Variants in IGF2R observed in about 807,000 individuals in gnomAD.
IGF2R encodes the protein cation-independent mannose-6-phosphate receptor.
Under a neutral mutation model 270.6 loss-of-function variants are expected in IGF2R, and 91 were observed. The ratio of observed to expected loss-of-function variants is 0.34; its 90% CI spans 0.28 to 0.40. The LOEUF is 0.40. IGF2R is among the 10% of genes least tolerant of loss of function. IGF2R has a pLI of 1.00. For synonymous variants in IGF2R, 1,316 were observed against 1,258.9 expected (o/e 1.05, Z -0.96); for missense variants, 2,805 against 3,188.3 (o/e 0.88, Z 2.90).
At chr6:160,073,544 C>G in intron 34 of IGF2R, 75 bp downstream of exon 34, 1 of 1,535,158 alleles carries the variant, frequency 6.5e-7, no homozygotes, top group Non-Finnish European at 8.9e-7. Context: ...GTCAGGTTCA[C>G]TTGCCCACTA....
chr6:160,064,560 G>A (rs758988031), intron 28 of IGF2R, 29 bp downstream of exon 28: 35 of 1,611,470 alleles, frequency 2.2e-5, no homozygotes, highest in Non-Finnish European at 2.7e-5. Context: ...CCCTCAGCGG[G>A]GTCTTCTCCC....
At chr6:160,093,152 G>A (rs574939095) in intron 44 of IGF2R, 86 of 159,254 alleles carry the variant, frequency 5.4e-4, no homozygotes, top group Non-Finnish European at 8.6e-4. Context: ...CAGATGTGTT[G>A]TGTTCCCAGC....
intron 11 of IGF2R, among the ~76,000 whole-genome samples, chr6:160,041,175 C>T (rs1216886780): frequency 6.6e-6 from 1 of 152,134 alleles, no homozygotes; most frequent in Non-Finnish European, 1.5e-5. Flanking sequence ...AACCCCTGTC[C>T]TTGGGGGCCT....
intron 15 of IGF2R, 94 bp from the exon 16 acceptor site, chr6:160,047,065 C>T: frequency 4.2e-6 from 5 of 1,189,646 alleles, no homozygotes; most frequent in Non-Finnish European, 6.2e-6. Flanking sequence ...CTGGTGACTC[C>T]TCACGTCGCT....
intron 1 of IGF2R, among the ~76,000 whole-genome samples, chr6:159,977,200 C>T (rs1371216376): frequency 6.6e-6 from 1 of 152,176 alleles, no homozygotes; most frequent in Non-Finnish European, 1.5e-5. Context: ...TCTGATTGCT[C>T]TATTAATTAT....
intron 1 of IGF2R, among the ~76,000 whole-genome samples, chr6:159,976,821 A>T (rs1224436897): frequency 6.6e-6 from 1 of 152,172 alleles, no homozygotes; most frequent in Non-Finnish European, 1.5e-5. Context: ...GGTGGAACTT[A>T]CTGACATTTC....
intron 27 of IGF2R, among the ~76,000 whole-genome samples, 199 bp from the exon 28 acceptor site, chr6:160,064,202 C>T (rs8191857): frequency 1.1e-4 from 16 of 152,158 alleles, no homozygotes; most frequent in East Asian, 1.9e-4. Flanking sequence ...CAGTCTGTGA[C>T]GTTGCAGCAG....
At position 160,105,391 on chromosome 6, in the gene IGF2R, G is replaced by A. The variant is rs968300590; in HGVS notation, c.*307G>A. ...CATCTCAAAACAGAGGGCTGCATTC[G>A]AAGAAACCCTTGCTGCTTTAGTCCC... On this transcript the variant is annotated 3_prime_UTR_variant, in exon 48 of 48. Transcript: ENST00000356956. The A allele has an allele frequency of 1.8e-5, 5 of 272,074 alleles. No individual in the cohort carries two copies. Among genetic ancestry groups the A allele is most frequent in the African/African-American group, 6.5e-5 (3 of 45,816 alleles). 16.9% of individuals were successfully genotyped at this position (272,074 alleles called of 1,614,324 possible). A position where few individuals can be genotyped will look rare whatever the true frequency, so the allele number is the denominator to read the frequency against.
intron 42 of IGF2R, 83 bp from the exon 43 acceptor site, chr6:160,089,024 G>C: frequency 7.2e-7 from 1 of 1,382,906 alleles, no homozygotes. Context: ...CTGCTTCAAG[G>C]GCTCCGCAGT....
At chr6:160,044,386 C>T (rs1778018969) in intron 12 of IGF2R, 128 bp from the exon 13 acceptor site, 2 of 843,332 alleles carry the variant, frequency 2.4e-6, no homozygotes, top group Non-Finnish European at 3.7e-6. Flanking sequence ...AGAAGGGCTG[C>T]ACGTGCTGGG....
In IGF2R at chr6:160,047,243, C is replaced by A. The variant is rs761650014; in HGVS notation, c.2136C>A (p.Gly712=). 1 of 1,613,898 alleles carries A rather than the reference C, an allele frequency of 6.2e-7. No individual in the cohort carries two copies. Among genetic ancestry groups the A allele is most frequent in the Non-Finnish European group, 8.5e-7 (1 of 1,179,894 alleles). The part of the protein sequence containing the change: ...DGMIQLNYRG[G]TPYNNERHTP... The stretch of plus-strand genomic sequence containing the variant: ...TGATCCAACTGAACTACAGAGGCGG[C>A]ACACCCTATAACAATGAAAGACACA... Residue 712 remains glycine, a synonymous_variant, in exon 16 of 48, where the codon GGC becomes GGA. Coordinates refer to ENST00000356956, the MANE Select transcript of IGF2R (RefSeq NM_000876.4).
At chr6:160,001,395 G>A (rs992771850) in intron 2 of IGF2R, among the ~76,000 whole-genome samples, 1 of 151,922 alleles carries the variant, frequency 6.6e-6, no homozygotes, top group African/African-American at 2.4e-5. Flanking sequence ...CAAGCTCGGG[G>A]CTTCCACTGA....
Position 159,969,164 on chromosome 6 carries a change from C to A in IGF2R, c.-83C>A. On this transcript the variant is annotated 5_prime_UTR_variant, in exon 1 of 48. Transcript: ENST00000356956. ...GTCTCCACCTCCGCCTTTGCCCTGG[C>A]GGCGCGACCCCGTCCCGGGCGCGGC... The A allele has an allele frequency of 1.2e-6, 1 of 826,328 alleles. No homozygotes were observed. The allele number at this position is 826,328 out of a possible 1,614,324, so 51.2% of individuals were successfully genotyped here.
intron 45 of IGF2R, 101 bp downstream of exon 45, chr6:160,096,726 A>G (rs769316227): frequency 1.5e-4 from 148 of 993,780 alleles, no homozygotes; most frequent in Middle Eastern, 4.3e-4. Context: ...TGAAATATTC[A>G]GAACATGCAC....
In IGF2R at chr6:160,102,573, G is replaced by C. The variant is rs773485874; in HGVS notation, c.6897G>C (p.Leu2299=). ...PGDDGQMHKG[L]SERSQAVGAV... ...ACGACGGGCAGATGCACAAGGGGCT[G>C]TCAGAACGGAGCCAGGCAGTCGGCG... The change falls in exon 46 of 48, where the codon CTG becomes CTC. Residue 2299 remains leucine, a synonymous_variant. Coordinates refer to ENST00000356956, the MANE Select transcript of IGF2R (RefSeq NM_000876.4). This position sits in a 1 kb window ranked among gnomAD's most constrained non-coding sequence, Gnocchi z 4.5. 2 of 1,613,590 alleles carry C rather than the reference G, an allele frequency of 1.2e-6. No homozygotes were observed. The highest frequency in any genetic ancestry group is 3.3e-5 in the Admixed American group (2 of 60,026).
At chr6:160,104,562 C>A in intron 47 of IGF2R, 112 bp from the exon 48 acceptor site, 2 of 1,125,102 alleles carry the variant, frequency 1.8e-6, no homozygotes, top group Non-Finnish European at 2.6e-6. Flanking sequence ...GGACAGTGGG[C>A]CAGTTCTTCC....
At chr6:159,991,921 T>C (rs1409721252) in intron 2 of IGF2R, among the ~76,000 whole-genome samples, 2 of 152,148 alleles carry the variant, frequency 1.3e-5, no homozygotes, top group African/African-American at 4.8e-5. Context: ...AGAATATGAA[T>C]CCAAGTGGAT....
At chr6:159,993,294 A>G (rs2115185226) in intron 2 of IGF2R, among the ~76,000 whole-genome samples, 1 of 152,292 alleles carries the variant, frequency 6.6e-6, no homozygotes, top group African/African-American at 2.4e-5. Context: ...GGTTTTAGTT[A>G]TGAAATCTTT....
At chr6:160,066,580 A>G (rs1411175183) in intron 29 of IGF2R, among the ~76,000 whole-genome samples, 1 of 152,142 alleles carries the variant, frequency 6.6e-6, no homozygotes, top group Admixed American at 6.5e-5. Flanking sequence ...AATAGATGAA[A>G]TTACCCACCC....
Sources: gnomAD v4.1 joint callset for allele counts (sites outside exome capture counted in the v4.1 genomes callset) on GRCh38, gnomAD v4.1.1 for gene constraint, Gnocchi (gnomAD v3.1) non-coding constraint, MANE v1.5 for transcripts, NCBI Gene and HGNC (gene_info 2026-07-23, HGNC 2026-07-21) for gene names.